The following TENM2 variants were observed in gnomAD, a reference collection of about 807,000 sequenced individuals.
TENM2 encodes teneurin-2.
A neutral mutation model predicts 245.2 loss-of-function variants in TENM2; 52 were observed. The observed-to-expected ratio is 0.21, with a 90% CI of 0.17 to 0.27. TENM2 has a LOEUF of 0.27. Ranked by LOEUF, TENM2 falls within the 10% of genes least tolerant of loss-of-function variation. TENM2 has a pLI of 1.00. For missense variants in TENM2, 3,046 were observed against 3,666.8 expected (o/e 0.83, Z 4.37); for synonymous variants, 1,363 against 1,438.9 (o/e 0.95, Z 1.19).
rs1487167057 is a variant in TENM2, at chr5:168,204,364, C to T, written c.3575-8C>T. 6.2e-7 allele frequency: 1 copy of T among 1,611,168 alleles called. No homozygotes were observed. Among genetic ancestry groups the T allele is most frequent in the East Asian group, 2.2e-5 (1 of 44,808 alleles). ...TCAGTAACCCCTCCCATTCTCCAAC[C>T]CCCACAGGAATCCTACACAAAGGCA... On this transcript the variant is annotated splice_polypyrimidine_tract_variant and splice_region_variant and intron_variant, in intron 18 of 28. Coordinates refer to ENST00000518659, the Ensembl canonical transcript of TENM2.
chr5:167,916,177 T>C (rs2151608531), intron 3 of TENM2, among the ~76,000 whole-genome samples: 2 of 152,280 alleles, frequency 1.3e-5, no homozygotes, highest in East Asian at 3.9e-4. Flanking sequence ...TCGCCAGCAG[T>C]CAAAGAACCG....
At chr5:167,313,544 G>A (rs775639995) in intron 1 of TENM2, among the ~76,000 whole-genome samples, 4 of 152,178 alleles carry the variant, frequency 2.6e-5, no homozygotes, top group Admixed American at 6.5e-5. Context: ...GGCTGAGGCA[G>A]GAGAACCATT....
chr5:168,163,839 G>A (rs554256970), intron 13 of TENM2, among the ~76,000 whole-genome samples: 2 of 152,244 alleles, frequency 1.3e-5, no homozygotes, highest in South Asian at 2.1e-4. Context: ...CTATAACTAA[G>A]GTTTGGGTCC....
chr5:167,023,735 A>G, the TENM2 span, among the ~76,000 whole-genome samples: 2,136 of 152,322 alleles, frequency 0.014, 19 homozygotes, highest in Middle Eastern at 0.027. Flanking sequence ...GAATGCATCT[A>G]TATGTCCAAG....
At chr5:168,253,258 C>T (rs1229977909) in intron 27 of TENM2, among the ~76,000 whole-genome samples, 2 of 151,780 alleles carry the variant, frequency 1.3e-5, no homozygotes, top group African/African-American at 4.8e-5. Context: ...TGAGCCACCG[C>T]GCCTGGCAGA....
At chr5:167,271,483 C>G in the TENM2 span, among the ~76,000 whole-genome samples, 326 of 152,186 alleles carry the variant, frequency 2.1e-3, no homozygotes, top group African/African-American at 7.3e-3. Flanking sequence ...AGATGAACTA[C>G]CAATCTGATA....
intron 3 of TENM2, among the ~76,000 whole-genome samples, chr5:167,894,808 C>G (rs186047478): frequency 3.6e-4 from 55 of 152,096 alleles, no homozygotes; most frequent in Admixed American, 1.7e-3. Flanking sequence ...TTCCCAAACT[C>G]CAATTAAAAA....
intron 17 of TENM2, 30 bp downstream of exon 19, chr5:168,200,161 C>G: frequency 6.3e-7 from 1 of 1,594,324 alleles, no homozygotes. Context: ...ACTTATTGAT[C>G]AATGGATTTA....
chr5:168,129,392 C>T (rs1754363026), intron 12 of TENM2: 1 of 152,196 alleles, frequency 6.6e-6, no homozygotes, highest in Admixed American at 6.5e-5. Flanking sequence ...CCAGCTAAAG[C>T]TCCCAAAATG....
intron 2 of TENM2, among the ~76,000 whole-genome samples, chr5:167,762,072 C>G (rs1285397064): frequency 6.6e-6 from 1 of 152,168 alleles, no homozygotes; most frequent in African/African-American, 2.4e-5. Context: ...GTTCTTGATT[C>G]TCAGATGGCT....
At chr5:167,337,999 T>C (rs1757879552) in intron 1 of TENM2, among the ~76,000 whole-genome samples, 1 of 152,228 alleles carries the variant, frequency 6.6e-6, no homozygotes, top group African/African-American at 2.4e-5. Context: ...TAGACATTTG[T>C]AATACAATCT....
At chr5:167,116,377 GCA>G in the TENM2 span, 4 of 152,336 alleles carry the variant, frequency 2.6e-5, no homozygotes, top group African/African-American at 9.6e-5. Context: ...GAAGGGGCCT[GCA>G]CAGTCATTGG....
chr5:167,133,615 T>C, the TENM2 span, among the ~76,000 whole-genome samples: 1 of 22,402 alleles, frequency 4.5e-5, no homozygotes, highest in African/African-American at 2.0e-4. Flanking sequence ...GCACTCAAAC[T>C]TGGAAAAAAA....
chr5:167,873,127 C>T (rs1304429117), intron 2 of TENM2, among the ~76,000 whole-genome samples: 1 of 152,236 alleles, frequency 6.6e-6, no homozygotes, highest in Non-Finnish European at 1.5e-5. Flanking sequence ...GGTCAGGATT[C>T]CTCTGAGTTC....
chr5:167,955,672 A>G (rs1780494715), intron 4 of TENM2, among the ~76,000 whole-genome samples: 1 of 152,186 alleles, frequency 6.6e-6, no homozygotes, highest in Admixed American at 6.5e-5. Context: ...TTCCAGTTTC[A>G]GTTTTCTGAA....
intron 3 of TENM2, among the ~76,000 whole-genome samples, chr5:167,889,314 C>T (rs10866614): frequency 0.5 from 76,032 of 151,868 alleles, 19,814 homozygotes; most frequent in Non-Finnish European, 0.57. Context: ...CCACTGTGGA[C>T]GGAGGGCTGT....
intron 2 of TENM2, among the ~76,000 whole-genome samples, chr5:167,613,523 T>C (rs1777602840): frequency 6.6e-6 from 1 of 152,126 alleles, no homozygotes; most frequent in Non-Finnish European, 1.5e-5. Context: ...GGTCAGTTTG[T>C]TCATCTGTAA....
chr5:167,913,521 A>G (rs987111657), intron 3 of TENM2, among the ~76,000 whole-genome samples: 1 of 152,176 alleles, frequency 6.6e-6, no homozygotes. Context: ...TTTACTGCCA[A>G]TTTCTGAATT....
the TENM2 span, among the ~76,000 whole-genome samples, chr5:167,203,182 G>C: frequency 6.6e-6 from 1 of 151,902 alleles, no homozygotes; most frequent in Non-Finnish European, 1.5e-5. Flanking sequence ...AAATCTTCAG[G>C]GGCTCTCTGT....
Sources: allele counts gnomAD v4.1 joint callset (sites outside exome capture counted in the v4.1 genomes callset), GRCh38; gene constraint gnomAD v4.1.1; transcripts MANE v1.5; gene names NCBI Gene and HGNC (gene_info 2026-07-23, HGNC 2026-07-21).